FDFT1: variants seen among roughly 807,000 people sequenced by gnomAD.
FDFT1 encodes the protein squalene synthase.
In FDFT1, 68 loss-of-function variants were observed where a neutral mutation model predicts 46.8. The ratio of observed to expected loss-of-function variants is 1.45; its 90% CI spans 1.19 to 1.78. The LOEUF is 1.78. Among genes scored for constraint, FDFT1 ranks in the 40% most tolerant of loss-of-function variants. The probability of loss-of-function intolerance (pLI) is 0.00; values close to 1 mark genes in which losing one functional copy is unlikely to be tolerated. For synonymous variants in FDFT1, 351 were observed against 185.1 expected (o/e 1.90, Z -7.28); for missense variants, 928 against 524.4 (o/e 1.77, Z -7.52).
intron 3 of FDFT1, among the ~76,000 whole-genome samples, chr8:11,816,479 A>G (rs930355048): frequency 1.3e-5 from 2 of 152,238 alleles, no homozygotes; most frequent in African/African-American, 4.8e-5. Context: ...TTTTCACGAT[A>G]CTGATTCTTC....
intron 5 of FDFT1, among the ~76,000 whole-genome samples, chr8:11,829,447 A>T (rs534794913): frequency 2.0e-5 from 3 of 152,316 alleles, no homozygotes; most frequent in African/African-American, 2.4e-5. Context: ...TAGAGGATAG[A>T]CTCAGCTCAT....
In FDFT1 at chr8:11,822,223, C is replaced by G. The variant is rs1024400299; in HGVS notation, c.510+345C>G. Among the ~76,000 whole-genome samples the G allele has an allele frequency of 3.9e-5, 6 of 152,206 alleles. 1 individual carries two copies. In the South Asian group the frequency reaches 1.2e-3, roughly 32 times the overall value. On this transcript the variant is annotated intron_variant, in intron 4 of 7. Transcript: ENST00000220584. ...ATAGGAATGGTGTTTGTGAGACTTACTCATCACTTCTGTGGAAGTAAAGAC... is the reference window on the plus strand; with the variant it reads ...ATAGGAATGGTGTTTGTGAGACTTAGTCATCACTTCTGTGGAAGTAAAGAC...
At chr8:11,816,822 A>G (rs538413248) in intron 3 of FDFT1, among the ~76,000 whole-genome samples, 4 of 152,174 alleles carry the variant, frequency 2.6e-5, no homozygotes, top group South Asian at 2.1e-4. Flanking sequence ...CAAACAGGCA[A>G]TTTTACTTCC....
chr8:11,824,386 G>A (rs201616088), intron 4 of FDFT1, among the ~76,000 whole-genome samples: 3 of 152,152 alleles, frequency 2.0e-5, no homozygotes, highest in Admixed American at 1.3e-4. Context: ...GGGAAGTTAC[G>A]TTGTCTCTAA....
chr8:11,818,658 G>A (rs912642692), intron 3 of FDFT1, among the ~76,000 whole-genome samples: 3 of 151,424 alleles, frequency 2.0e-5, no homozygotes, highest in Non-Finnish European at 2.9e-5. Context: ...TTTAAAGTCT[G>A]TTTTATTAGA....
At chr8:11,815,194 G>A (rs1163461443) in intron 3 of FDFT1, among the ~76,000 whole-genome samples, 2 of 152,154 alleles carry the variant, frequency 1.3e-5, no homozygotes, top group African/African-American at 4.8e-5. Context: ...CAAAGGACAT[G>A]AACTCATCCT....
At chr8:11,819,350 A>G (rs7005011) in intron 3 of FDFT1, among the ~76,000 whole-genome samples, 69,740 of 151,880 alleles carry the variant, frequency 0.46, 17,246 homozygotes, top group East Asian at 0.77. Context: ...CTCGAGGAAT[A>G]TCTTTGTGGT....
chr8:11,808,627 GC>G, intron 1 of FDFT1, 166 bp from the exon 2 acceptor site: 1 of 1,393,618 alleles, frequency 7.2e-7, no homozygotes, highest in Non-Finnish European at 9.3e-7. Flanking sequence ...GCCCCGCGGG[GC>G]TGCTGCTTGC....
chr8:11,820,448 C>T (rs1390877296), intron 3 of FDFT1, among the ~76,000 whole-genome samples: 6 of 151,368 alleles, frequency 4.0e-5, no homozygotes, highest in Admixed American at 1.3e-4. Flanking sequence ...TATGCCCTGC[C>T]CCCAGAGATG....
At chr8:11,827,624 C>G (rs1421075952) in intron 5 of FDFT1, among the ~76,000 whole-genome samples, 1 of 151,816 alleles carries the variant, frequency 6.6e-6, no homozygotes, top group African/African-American at 2.4e-5. Context: ...AGAAAAAGGC[C>G]AACTGCCCCA....
chr8:11,807,758 G>A (rs1299059000), intron 1 of FDFT1, among the ~76,000 whole-genome samples: 1 of 152,212 alleles, frequency 6.6e-6, no homozygotes, highest in African/African-American at 2.4e-5. Flanking sequence ...AAGATGAGAA[G>A]ACATCTTGAA....
chr8:11,802,941 G>T lies in FDFT1; in HGVS notation c.99+10G>T. On this transcript the variant is annotated intron_variant, in intron 1 of 7. Transcript: ENST00000220584. ...GCCCAAGATGGACCAGGTGGGCCGA[G>T]CCTCCCTGCTTGCCCGGGGCGGGGA... The T allele has an allele frequency of 6.3e-7, 1 of 1,595,596 alleles. No individual in the cohort carries two copies. Among genetic ancestry groups the T allele is most frequent in the Non-Finnish European group, 8.5e-7 (1 of 1,170,826 alleles).
chr8:11,835,971 T>TAAAA lies in FDFT1; in HGVS notation c.1033-2396_1033-2393dup, dbSNP rs755611965. 2.4e-3 allele frequency among the ~76,000 whole-genome samples: 156 copies of TAAAA among 64,598 alleles called. 8 individuals are homozygous for TAAAA. Among genetic ancestry groups the TAAAA allele is most frequent in the East Asian group, 0.02 (23 of 1,136 alleles). 42.4% of individuals were successfully genotyped at this position (64,598 alleles called of 152,430 possible). A position where few individuals can be genotyped will look rare whatever the true frequency, so the allele number is the denominator to read the frequency against. The stretch of plus-strand genomic sequence containing the variant: ...TTATGTGATGAAACCCTGTCTCTAC[T>TAAAA]AAAAAAAAAAAAAAAAAAAAAAAAT... On this transcript the variant is annotated intron_variant, in intron 7 of 7. Coordinates refer to ENST00000220584, the MANE Select transcript of FDFT1 (RefSeq NM_004462.5).
At chr8:11,823,888 T>A (rs752435560) in intron 4 of FDFT1, among the ~76,000 whole-genome samples, 1 of 151,862 alleles carries the variant, frequency 6.6e-6, no homozygotes, top group Non-Finnish European at 1.5e-5. Context: ...GGACTATAGG[T>A]CCACACCACT....
chr8:11,831,802 G>T (rs1290434791), intron 7 of FDFT1, 132 bp downstream of exon 7: 2 of 780,532 alleles, frequency 2.6e-6, no homozygotes, highest in Non-Finnish European at 4.3e-6. Context: ...GACAGGAATT[G>T]ATATCCTTTA....
chr8:11,801,099 C>G (rs1427904642), upstream of FDFT1, among the ~76,000 whole-genome samples: 4 of 152,036 alleles, frequency 2.6e-5, no homozygotes, highest in East Asian at 5.8e-4. Context: ...TGAGCAGACT[C>G]GAGGGGCACA....
intron 3 of FDFT1, among the ~76,000 whole-genome samples, chr8:11,810,933 T>TAAAAAAAAAAAAAAAAAAAAAAAAAAAAA (rs71539744): frequency 3.4e-5 from 3 of 89,448 alleles, no homozygotes; most frequent in Non-Finnish European, 4.3e-5. Flanking sequence ...GAGCAATATT[T>TAAAAAAAAAAAAAAAAAAAAAAAAAAAAA]AAAAAAAAAA....
intron 7 of FDFT1, among the ~76,000 whole-genome samples, chr8:11,833,716 T>G (rs866319681): frequency 6.6e-6 from 1 of 152,200 alleles, no homozygotes; most frequent in African/African-American, 2.4e-5. Flanking sequence ...TGGCTGCTTT[T>G]GCAATGTGAC....
chr8:11,809,495 G>C, intron 2 of FDFT1, 172 bp from the exon 3 acceptor site: 1 of 1,334,076 alleles, frequency 7.5e-7, no homozygotes, highest in Non-Finnish European at 9.6e-7. Flanking sequence ...TCTCATGTAA[G>C]GAAGGAAAAC....
Sources: gnomAD v4.1 joint callset for allele counts (sites outside exome capture counted in the v4.1 genomes callset) on GRCh38, gnomAD v4.1.1 for gene constraint, MANE v1.5 for transcripts, NCBI Gene and HGNC (gene_info 2026-07-23, HGNC 2026-07-21) for gene names.